The following PCDHGB5 variants were observed in gnomAD, a reference collection of about 807,000 sequenced individuals.
PCDHGB5 encodes the protein protocadherin gamma subfamily B, 5.
In PCDHGB5, 48 loss-of-function variants were observed where a neutral mutation model predicts 62.9. That is an observed-to-expected ratio of 0.76 (90% CI 0.61 to 0.97). PCDHGB5 has a LOEUF of 0.97. Ranked by LOEUF, PCDHGB5 falls within the 50% of genes least tolerant of loss-of-function variation. The probability of loss-of-function intolerance (pLI) is 0.00; values close to 1 mark genes in which losing one functional copy is unlikely to be tolerated. For synonymous variants in PCDHGB5, 474 were observed against 511.2 expected (o/e 0.93, Z 0.98); for missense variants, 1,118 against 1,198.6 (o/e 0.93, Z 0.99).
chr5:141,489,089 A>C lies in PCDHGB5; in HGVS notation c.2398-5718A>C. 6 of 284,452 alleles carry C rather than the reference A, an allele frequency of 2.1e-5. No individual in the cohort carries two copies. The highest frequency in any genetic ancestry group is 5.7e-5 in the East Asian group (1 of 17,568). The allele number at this position is 284,452 out of a possible 1,614,324, so 17.6% of individuals were successfully genotyped here. A position where few individuals can be genotyped will look rare whatever the true frequency, so the allele number is the denominator to read the frequency against. Reference sequence around the variant, plus strand: ...CCCTGCCCACCCCCGCCACTCGGTGACTAAGAACTGCTGCAAGCAGGCAAA... The same window carrying C: ...CCCTGCCCACCCCCGCCACTCGGTGCCTAAGAACTGCTGCAAGCAGGCAAA... On this transcript the variant is annotated intron_variant, in intron 1 of 3. Transcript: ENST00000617380. This position sits in a 1 kb window ranked among gnomAD's most constrained non-coding sequence, Gnocchi z 4.5.
rs530194567 is a variant in PCDHGB5, at chr5:141,417,884, C to G, written c.2397+17360C>G. On this transcript the variant is annotated intron_variant, in intron 1 of 3. Transcript: ENST00000617380. ...GATGGGAGGGAGCTGCGCGCAGAGG[C>G]GCCGGGCCGGCCCGCGGCAGGTACT... 2.1e-4 allele frequency: 327 copies of G among 1,561,600 alleles called. No individual in the cohort carries two copies. In the South Asian group the frequency reaches 3.4e-3, roughly 16 times the overall value.
In PCDHGB5 at chr5:141,438,591, C is replaced by T. The variant is rs12717894; in HGVS notation, c.2397+38067C>T. 3.5e-3 allele frequency among the ~76,000 whole-genome samples: 262 copies of T among 75,376 alleles called. 1 individual carries two copies. The highest frequency in any genetic ancestry group is 4.5e-3 in the Non-Finnish European group (168 of 37,204). 49.4% of individuals were successfully genotyped at this position (75,376 alleles called of 152,430 possible). ...TCTGATATACATACATACATACATA[C>T]ATATATATATATATATATATATATA... On this transcript the variant is annotated intron_variant, in intron 1 of 3. Transcript: ENST00000617380.
chr5:141,405,758 G>A (rs533667979), intron 1 of PCDHGB5, among the ~76,000 whole-genome samples: 8 of 152,246 alleles, frequency 5.3e-5, no homozygotes, highest in South Asian at 2.1e-4. Context: ...GATTACAGGC[G>A]TGAGCCACTG....
chr5:141,427,193 CTT>C (rs2096998045), intron 1 of PCDHGB5: 3 of 456,614 alleles, frequency 6.6e-6, no homozygotes, highest in Non-Finnish European at 8.8e-6. Context: ...AATCCAAAGA[CTT>C]AATAGACTTC....
intron 1 of PCDHGB5, among the ~76,000 whole-genome samples, chr5:141,467,854 T>C (rs1337373000): frequency 6.6e-6 from 1 of 151,968 alleles, no homozygotes; most frequent in Admixed American, 6.6e-5. Flanking sequence ...GAATGAGATT[T>C]CACCATGTTG....
At position 141,416,345 on chromosome 5, in the gene PCDHGB5, A is replaced by T. The variant is rs542527661; in HGVS notation, c.2397+15821A>T. ...ATTTAACTTTCATTGCTCAATAGGG[A>T]TCCTGAGGAGGCTATAGAGGGTGAA... On this transcript the variant is annotated intron_variant, in intron 1 of 3. Transcript: ENST00000617380. The T allele has an allele frequency of 4.6e-5, 7 of 152,330 alleles. No homozygotes were observed. In the East Asian group the frequency reaches 1.3e-3, roughly 29 times the overall value. The allele number at this position is 152,330 out of a possible 1,614,324, so 9.4% of individuals were successfully genotyped here. A position where few individuals can be genotyped will look rare whatever the true frequency, so the allele number is the denominator to read the frequency against.
Position 141,486,747 on chromosome 5 carries a change from A to G in PCDHGB5, c.2398-8060A>G, listed in dbSNP as rs750666508. The G allele has an allele frequency of 3.1e-6, 5 of 1,614,210 alleles. No homozygotes were observed. The highest frequency in any genetic ancestry group is 4.2e-6 in the Non-Finnish European group (5 of 1,180,034). On this transcript the variant is annotated intron_variant, in intron 1 of 3. Transcript: ENST00000617380. This position sits in a 1 kb window ranked among gnomAD's most constrained non-coding sequence, Gnocchi z 5.0. Reference sequence around the variant, plus strand: ...GTTCATGCTACTCGATCCTTTGACTATGAGCAAACCCAGACACTGCAGTTT... The same window carrying G: ...GTTCATGCTACTCGATCCTTTGACTGTGAGCAAACCCAGACACTGCAGTTT...
At chr5:141,445,364 C>T (rs1374418361) in intron 1 of PCDHGB5, among the ~76,000 whole-genome samples, 1 of 152,158 alleles carries the variant, frequency 6.6e-6, no homozygotes, top group African/African-American at 2.4e-5. Flanking sequence ...CAAGTCTGGT[C>T]CTGGGTGGTT....
rs919375073 is a variant in PCDHGB5 at position 141,490,642 on chromosome 5, C to A, written c.2398-4165C>A. On this transcript the variant is annotated intron_variant, in intron 1 of 3. Coordinates refer to ENST00000617380, the MANE Select transcript of PCDHGB5 (RefSeq NM_018925.3). This position sits in a 1 kb window ranked among gnomAD's most constrained non-coding sequence, Gnocchi z 5.4. ...CACTGCTTACATCCTAGAAAACCGG[C>A]CTCCGGGCTCCCTTCTTTGCACTGT... 4.3e-6 allele frequency: 7 copies of A among 1,614,102 alleles called. No individual in the cohort carries two copies. In the African/African-American group the frequency reaches 6.7e-5, roughly 15 times the overall value.
intron 2 of PCDHGB5, 91 bp from the exon 3 acceptor site, chr5:141,505,302 G>C: frequency 6.3e-7 from 1 of 1,592,714 alleles, no homozygotes. Context: ...TAGGGTTAGG[G>C]TACTAGGTTT....
intron 1 of PCDHGB5, among the ~76,000 whole-genome samples, chr5:141,457,543 A>G (rs555448211): frequency 2.6e-5 from 4 of 152,346 alleles, no homozygotes; most frequent in African/African-American, 9.6e-5. Flanking sequence ...TTAATGACAA[A>G]TGTATGATAA....
chr5:141,501,327 AC>A (rs1208116606), intron 2 of PCDHGB5, among the ~76,000 whole-genome samples: 2 of 151,364 alleles, frequency 1.3e-5, no homozygotes, highest in Non-Finnish European at 2.9e-5. Context: ...ACACACACAC[AC>A]ACACACCCCA....
chr5:141,506,801 C>A (rs1322016728), intron 3 of PCDHGB5, among the ~76,000 whole-genome samples: 2 of 152,166 alleles, frequency 1.3e-5, no homozygotes, highest in Non-Finnish European at 2.9e-5. Flanking sequence ...GGCAGAGGAT[C>A]AAGGCATTGC....
rs143083513 is a variant in PCDHGB5 at position 141,431,088 on chromosome 5, T to C, written c.2397+30564T>C. On this transcript the variant is annotated intron_variant, in intron 1 of 3. Coordinates refer to ENST00000617380, the MANE Select transcript of PCDHGB5 (RefSeq NM_018925.3). This position sits in a 1 kb window ranked among gnomAD's most constrained non-coding sequence, Gnocchi z 4.8. The stretch of plus-strand genomic sequence containing the variant: ...TGTCAATTAAATCTAGACATTCTGA[T>C]GGAGGATAAAGTGAAAATATATGGA... 106 of 1,614,180 alleles carry C rather than the reference T, an allele frequency of 6.6e-5. 1 individual carries two copies. The highest frequency in any genetic ancestry group is 3.1e-4 in the East Asian group (14 of 44,890).
intron 3 of PCDHGB5, among the ~76,000 whole-genome samples, chr5:141,506,877 G>A (rs998146154): frequency 1.3e-5 from 2 of 152,142 alleles, no homozygotes; most frequent in Non-Finnish European, 2.9e-5. Flanking sequence ...AGAGAACCAG[G>A]TGAAATCACA....
chr5:141,451,256 A>T (rs376288655), intron 1 of PCDHGB5, among the ~76,000 whole-genome samples: 1 of 152,212 alleles, frequency 6.6e-6, no homozygotes, highest in African/African-American at 2.4e-5. Context: ...GTGGATCAGG[A>T]CTGGGTATAG....
In PCDHGB5 at chr5:141,491,942, C is replaced by A; in HGVS notation, c.2398-2865C>A. The A allele has an allele frequency of 8.9e-7, 1 of 1,122,490 alleles. No individual in the cohort carries two copies. The highest frequency in any genetic ancestry group is 1.2e-6 in the Non-Finnish European group (1 of 824,374). 69.5% of individuals were successfully genotyped at this position (1,122,490 alleles called of 1,614,324 possible). The stretch of plus-strand genomic sequence containing the variant: ...GGCGAGGGGAGGTGGGACCGACCCC[C>A]ACCCCTACACTCAAAAAAGGCCGGG... On this transcript the variant is annotated intron_variant, in intron 1 of 3. Transcript: ENST00000617380. The surrounding 1 kb of genome is among the most constrained non-coding windows in gnomAD (Gnocchi z 6.9).
intron 1 of PCDHGB5, chr5:141,403,951 G>C: frequency 6.2e-7 from 1 of 1,613,882 alleles, no homozygotes. Flanking sequence ...GGACAAAAGT[G>C]CTCATTTCGG....
rs750216656 is a variant in PCDHGB5 at position 141,422,121 on chromosome 5, A to G, written c.2397+21597A>G. 4.4e-6 allele frequency: 7 copies of G among 1,602,838 alleles called. No individual in the cohort carries two copies. In the Admixed American group the frequency reaches 8.8e-5, roughly 20 times the overall value. On this transcript the variant is annotated intron_variant, in intron 1 of 3. Coordinates refer to ENST00000617380, the MANE Select transcript of PCDHGB5 (RefSeq NM_018925.3). ...CTGAAATATTCCAATTGGATTCACA[A>G]ACTGGAGAAGTTCAAGTACGGGGGT...
Sources: allele counts gnomAD v4.1 joint callset (sites outside exome capture counted in the v4.1 genomes callset), GRCh38; gene constraint gnomAD v4.1.1; non-coding constraint Gnocchi (gnomAD v3.1); transcripts MANE v1.5; gene names NCBI Gene and HGNC (gene_info 2026-07-23, HGNC 2026-07-21).